Variants in SIPA1L2 observed in about 807,000 individuals in gnomAD.
SIPA1L2 encodes signal induced proliferation associated 1 like 2.
In SIPA1L2, 56 loss-of-function variants were observed where a neutral mutation model predicts 163.9. The ratio of observed to expected loss-of-function variants is 0.34; its 90% CI spans 0.28 to 0.43. SIPA1L2 has a LOEUF of 0.43. Ranked by LOEUF, SIPA1L2 falls within the 20% of genes least tolerant of loss-of-function variation. The pLI, the probability that SIPA1L2 is intolerant of heterozygous loss-of-function variation, is 1.00. For missense variants in SIPA1L2, 1,974 were observed against 2,193.5 expected (o/e 0.90, Z 2.00); for synonymous variants, 877 against 865.7 (o/e 1.01, Z -0.23).
At chr1:232,623,680 C>T (rs1056009446) in intron 1 of SIPA1L2, among the ~76,000 whole-genome samples, 3 of 152,124 alleles carry the variant, frequency 2.0e-5, no homozygotes, top group Admixed American at 6.6e-5. Context: ...ATAGCATCGC[C>T]ATTACATTAA....
In SIPA1L2 at chr1:232,514,718, A is replaced by C. The variant is rs1667143853; in HGVS notation, c.622T>G (p.Phe208Val). ...CGGTACCCTCTGAGCATAGCAAAAA[A>C]GTTTTCACCAGATAAGCCTTGCCTG... is the stretch of plus-strand genomic sequence containing the variant. The part of the protein sequence containing the change: ...IDRQGLSGEN[F>V]FAMLRGYRVE... Residue 208 changes from phenylalanine to valine, a missense_variant, in exon 3 of 23, where the codon TTT becomes GTT. By Grantham distance (50) the Phe-to-Val change is conservative (BLOSUM62 -1). Around this residue, in one of 3 missense-constraint regions of SIPA1L2, gnomAD observed 607 missense variants for 624.0 expected, o/e 0.97. Transcript: ENST00000674635. 1 of 1,614,182 alleles carries C rather than the reference A, an allele frequency of 6.2e-7. No homozygotes were observed.
rs746036608 is a variant in SIPA1L2 at position 232,514,602 on chromosome 1, T to A, written c.738A>T (p.Ala246=). 3 of 1,614,242 alleles carry A rather than the reference T, an allele frequency of 1.9e-6. No homozygotes were observed. Among genetic ancestry groups the A allele is most frequent in the Non-Finnish European group, 2.5e-6 (3 of 1,180,036 alleles). ...ATTCTCCCCTAGAAATCTGTGCTGC[T>A]GCATGAAGGCTCGGAGAGATTGCAG... ...CDPAISPSLH[A]AAQISRGEFV... The change falls in exon 3 of 23, where the codon GCA becomes GCT. Residue 246 remains alanine, a synonymous_variant. Coordinates refer to ENST00000674635, the MANE Select transcript of SIPA1L2 (RefSeq NM_020808.5).
chr1:232,400,899 C>CCA (rs1371331327), intron 22 of SIPA1L2, among the ~76,000 whole-genome samples: 19 of 152,258 alleles, frequency 1.2e-4, no homozygotes, highest in Admixed American at 6.5e-4. Context: ...TTCTTGACCA[C>CCA]CACCTCCAGT....
intron 16 of SIPA1L2, among the ~76,000 whole-genome samples, chr1:232,432,046 T>C (rs777974867): frequency 1.3e-5 from 2 of 152,216 alleles, no homozygotes; most frequent in Non-Finnish European, 2.9e-5. Context: ...AGAACACAGA[T>C]TTCTTTTCCT....
At chr1:232,623,343 C>A (rs145174234) in intron 1 of SIPA1L2, among the ~76,000 whole-genome samples, 8 of 152,318 alleles carry the variant, frequency 5.3e-5, no homozygotes, top group African/African-American at 1.9e-4. Flanking sequence ...CAGTGGCTCA[C>A]GCCTGTAATC....
At chr1:232,491,712 A>G (rs1250620509) in intron 4 of SIPA1L2, among the ~76,000 whole-genome samples, 1 of 152,210 alleles carries the variant, frequency 6.6e-6, no homozygotes, top group African/African-American at 2.4e-5. Flanking sequence ...CCCCAGAACC[A>G]TAAATCAAGA....
At chr1:232,528,196 G>A (rs139087858) in intron 2 of SIPA1L2, among the ~76,000 whole-genome samples, 1 of 150,854 alleles carries the variant, frequency 6.6e-6, no homozygotes, top group East Asian at 2.0e-4. Flanking sequence ...TTTATTGAAG[G>A]ATTTACTATT....
chr1:232,404,094 C>T, intron 20 of SIPA1L2, 31 bp downstream of exon 20: 1 of 1,613,462 alleles, frequency 6.2e-7, no homozygotes. Context: ...TACAGGATAT[C>T]AGGAGCCAAC....
chr1:232,439,015 C>A lies in SIPA1L2; in HGVS notation c.4031+93G>T. On this transcript the variant is annotated intron_variant, in intron 15 of 22. Coordinates refer to ENST00000674635, the MANE Select transcript of SIPA1L2 (RefSeq NM_020808.5). ...AAATTACACCAACCTACCTGATGCCCCTACTGCTTACAGTTCAGGCTTCTG... is the reference window on the plus strand; with the variant it reads ...AAATTACACCAACCTACCTGATGCCACTACTGCTTACAGTTCAGGCTTCTG... The A allele has an allele frequency of 3.0e-6, 4 of 1,348,334 alleles. 1 individual carries two copies. The South Asian group carries it at 4.8e-5, about 16-fold the overall frequency. 83.5% of individuals were successfully genotyped at this position (1,348,334 alleles called of 1,614,324 possible).
At chr1:232,584,927 T>C (rs1660576651) in intron 1 of SIPA1L2, among the ~76,000 whole-genome samples, 1 of 152,206 alleles carries the variant, frequency 6.6e-6, no homozygotes, top group Non-Finnish European at 1.5e-5. Flanking sequence ...TTGCCATCCA[T>C]ATATGGGGGA....
At chr1:232,480,191 G>GTT (rs561168074) in intron 6 of SIPA1L2, among the ~76,000 whole-genome samples, 3 of 84,258 alleles carry the variant, frequency 3.6e-5, no homozygotes, top group Admixed American at 3.1e-4. Context: ...GTGTGTGTGT[G>GTT]TTTTTACAGT....
chr1:232,579,289 AT>A (rs1304297624), intron 1 of SIPA1L2, among the ~76,000 whole-genome samples: 2 of 110,924 alleles, frequency 1.8e-5, no homozygotes, highest in Non-Finnish European at 3.9e-5. Flanking sequence ...GAAAGCCAGC[AT>A]CAAAAAAAAA....
At chr1:232,436,801 G>C (rs754909975) in intron 15 of SIPA1L2, among the ~76,000 whole-genome samples, 4 of 152,176 alleles carry the variant, frequency 2.6e-5, no homozygotes, top group Non-Finnish European at 4.4e-5. Flanking sequence ...CGGGGGGCAC[G>C]CAAGAGGAAG....
intron 1 of SIPA1L2, among the ~76,000 whole-genome samples, chr1:232,618,929 GA>G (rs1177247276): frequency 6.6e-6 from 1 of 151,770 alleles, no homozygotes; most frequent in African/African-American, 2.4e-5. Flanking sequence ...TTACAGTGAG[GA>G]AAAAAAACAT....
At chr1:232,438,771 G>T (rs1412830450) in intron 15 of SIPA1L2, among the ~76,000 whole-genome samples, 1 of 152,184 alleles carries the variant, frequency 6.6e-6, no homozygotes, top group Non-Finnish European at 1.5e-5. Context: ...CTGAAGATTA[G>T]TGAGTGCCAC....
At chr1:232,484,064 A>G in intron 5 of SIPA1L2, 98 bp from the exon 6 acceptor site, 1 of 1,167,160 alleles carries the variant, frequency 8.6e-7, no homozygotes, top group Non-Finnish European at 1.2e-6. Flanking sequence ...TGTTCTAGGA[A>G]AGCATGCCAG....
intron 1 of SIPA1L2, among the ~76,000 whole-genome samples, chr1:232,602,116 A>G (rs1661629333): frequency 6.6e-6 from 1 of 152,170 alleles, no homozygotes; most frequent in Non-Finnish European, 1.5e-5. Flanking sequence ...AAGTGCAGGC[A>G]AGACTGAAGA....
intron 10 of SIPA1L2, among the ~76,000 whole-genome samples, chr1:232,454,852 G>A (rs1318397900): frequency 6.6e-6 from 1 of 152,190 alleles, no homozygotes; most frequent in East Asian, 1.9e-4. Context: ...GCTGTAGTTT[G>A]AGAAAAATCA....
chr1:232,424,310 A>C (rs2102808210), intron 18 of SIPA1L2, among the ~76,000 whole-genome samples: 1 of 130,802 alleles, frequency 7.6e-6, no homozygotes, highest in Non-Finnish European at 1.6e-5. Flanking sequence ...ATTTTTTTTT[A>C]AGTGAAGCTA....
Sources: gnomAD v4.1 joint callset for allele counts (sites outside exome capture counted in the v4.1 genomes callset) on GRCh38, gnomAD v4.1.1 for gene constraint, gnomAD v4.1.1 regional missense constraint, MANE v1.5 for transcripts, NCBI Gene and HGNC (gene_info 2026-07-23, HGNC 2026-07-21) for gene names.